Variants in PTPRA observed in about 807,000 individuals in gnomAD.
The protein encoded by PTPRA is receptor-type tyrosine-protein phosphatase alpha.
Under a neutral mutation model 104.8 loss-of-function variants are expected in PTPRA, and 25 were observed. The ratio of observed to expected loss-of-function variants is 0.24; its 90% confidence interval spans 0.17 to 0.33. The LOEUF is 0.33. Among genes scored for constraint, PTPRA ranks in the 10% least tolerant of loss-of-function variants. The pLI is 1.00. For missense variants in PTPRA, 765 were observed against 1,015.3 expected (o/e 0.75, Z 3.35); for synonymous variants, 323 against 368.9 (o/e 0.88, Z 1.43).
chr20:2,916,753 T>C (rs1031336908), intron 1 of PTPRA, among the ~76,000 whole-genome samples: 2 of 152,264 alleles, frequency 1.3e-5, no homozygotes, highest in Non-Finnish European at 1.5e-5. Flanking sequence ...TGTGGATTTA[T>C]TTCTGAACTC....
intron 9 of PTPRA, among the ~76,000 whole-genome samples, chr20:2,989,757 C>T (rs893217504): frequency 6.6e-6 from 1 of 152,336 alleles, no homozygotes; most frequent in Non-Finnish European, 1.5e-5. Flanking sequence ...GTGGCTCACG[C>T]CTGTAATCCC....
intron 1 of PTPRA, among the ~76,000 whole-genome samples, chr20:2,895,689 C>T (rs2058971569): frequency 6.6e-6 from 1 of 152,024 alleles, no homozygotes; most frequent in African/African-American, 2.4e-5. Context: ...TGGAATTAGT[C>T]TGGCTAATTT....
intron 12 of PTPRA, 59 bp from the exon 13 acceptor site, chr20:3,017,757 C>A: frequency 6.8e-7 from 1 of 1,464,194 alleles, no homozygotes; most frequent in Non-Finnish European, 9.6e-7. Flanking sequence ...TGTTCCCAGC[C>A]TCCCAGCATC....
chr20:2,961,963 C>T (rs943941161), intron 3 of PTPRA, among the ~76,000 whole-genome samples: 17 of 152,110 alleles, frequency 1.1e-4, no homozygotes, highest in African/African-American at 2.9e-4. Flanking sequence ...ATCTGTTTGC[C>T]TTTTCTTTTG....
In PTPRA at chr20:3,037,040, G is replaced by A. The variant is rs1049149296; in HGVS notation, c.2199-114G>A. 3.4e-6 allele frequency: 5 copies of A among 1,464,764 alleles called. No homozygotes were observed. The highest frequency in any genetic ancestry group is 3.8e-5 in the Admixed American group (2 of 52,202). The allele number at this position is 1,464,764 out of a possible 1,614,324, so 90.7% of individuals were successfully genotyped here. The stretch of plus-strand genomic sequence containing the variant: ...CCCTCCAGGCTGGTGGGTCCACAGG[G>A]CAAAGGCGAGCACCAGCTGCCTGCC... On this transcript the variant is annotated intron_variant, in intron 22 of 23. Coordinates refer to ENST00000399903, the MANE Select transcript of PTPRA (RefSeq NM_001385305.1). This position sits in a 1 kb window ranked among gnomAD's most constrained non-coding sequence, Gnocchi z 4.3.
chr20:3,004,498 A>G (rs1167781288), intron 9 of PTPRA, among the ~76,000 whole-genome samples: 1 of 152,172 alleles, frequency 6.6e-6, no homozygotes, highest in Non-Finnish European at 1.5e-5. Context: ...CTGCTTCTTA[A>G]CTGCTGCATC....
chr20:2,899,229 T>C (rs1052312475), intron 1 of PTPRA, among the ~76,000 whole-genome samples: 2 of 151,840 alleles, frequency 1.3e-5, no homozygotes, highest in Admixed American at 6.6e-5. Flanking sequence ...CTAGCTAGAG[T>C]GAGATAGAGT....
At chr20:2,958,844 C>CAAAAAA in intron 3 of PTPRA, among the ~76,000 whole-genome samples, 1 of 46,830 alleles carries the variant, frequency 2.1e-5, no homozygotes, top group Non-Finnish European at 4.4e-5. Flanking sequence ...GAGACTGTAT[C>CAAAAAA]AAAAAAAAAA....
rs558590200 is a variant in PTPRA, at chr20:2,885,030, C to T, written c.-129+11270C>T. On this transcript the variant is annotated intron_variant, in intron 1 of 23. Coordinates refer to ENST00000399903, the MANE Select transcript of PTPRA (RefSeq NM_001385305.1). ...TTCACAGTGTTAGCCAGGATGGTCT[C>T]GACCTCGTGATCCGCCCGCCTCGGC... Among the ~76,000 whole-genome samples the T allele has an allele frequency of 1.2e-3, 179 of 152,076 alleles. 2 individuals are homozygous for T. Among genetic ancestry groups the T allele is most frequent in the Non-Finnish European group, 2.0e-3 (136 of 67,972 alleles).
At position 2,992,017 on chromosome 20, in the gene PTPRA, C is replaced by T. The variant is rs116328155; in HGVS notation, c.738+3543C>T. Among the ~76,000 whole-genome samples, 857 of 152,254 alleles carry T rather than the reference C, an allele frequency of 5.6e-3. 8 individuals are homozygous for T. The highest frequency in any genetic ancestry group is 0.019 in the African/African-American group (793 of 41,542). ...TACCCCATAGCAGTCTACTTCCAGC[C>T]CAGCATGGGCCAGCATGTTTCACCA... On this transcript the variant is annotated intron_variant, in intron 9 of 23. Transcript: ENST00000399903.
chr20:3,007,390 T>G lies in PTPRA; in HGVS notation c.876T>G (p.Asp292Glu). 1 of 1,614,200 alleles carries G rather than the reference T, an allele frequency of 6.2e-7. No homozygotes were observed. Among genetic ancestry groups the G allele is most frequent in the Non-Finnish European group, 8.5e-7 (1 of 1,179,998 alleles). The change falls in exon 11 of 24, where the codon GAT becomes GAG. Residue 292 changes from aspartate (D) to glutamate (E), a missense_variant. Asp to Glu is a conservative substitution (Grantham distance 45). Around this residue, in one of 4 missense-constraint regions of PTPRA, gnomAD observed 245 missense variants for 398.7 expected, o/e 0.61. Coordinates refer to ENST00000399903, the MANE Select transcript of PTPRA (RefSeq NM_001385305.1). ...VHLTPVEGVP[D>E]SDYINASFIN... ...TGACACCGGTTGAAGGGGTTCCAGA[T>G]TCTGATTACATCAATGCTTCATTCA... is the stretch of plus-strand genomic sequence containing the variant.
At chr20:2,883,724 T>G (rs1296991844) in intron 1 of PTPRA, among the ~76,000 whole-genome samples, 1 of 152,180 alleles carries the variant, frequency 6.6e-6, no homozygotes, top group Non-Finnish European at 1.5e-5. Flanking sequence ...TGGAATTTTT[T>G]TTACATGTAA....
chr20:2,952,414 C>T (rs1410660113), intron 3 of PTPRA, among the ~76,000 whole-genome samples: 4 of 152,008 alleles, frequency 2.6e-5, no homozygotes, highest in Admixed American at 1.3e-4. Context: ...TGTTGGAATA[C>T]TTATTTTCTT....
intron 6 of PTPRA, among the ~76,000 whole-genome samples, chr20:2,982,153 C>T (rs1235165504): frequency 6.7e-6 from 1 of 149,724 alleles, no homozygotes; most frequent in Admixed American, 6.7e-5. Flanking sequence ...TGCAGTGGCA[C>T]GATCTTGGCT....
chr20:2,904,290 TAGAG>T (rs1383866801), intron 1 of PTPRA, among the ~76,000 whole-genome samples: 3 of 152,164 alleles, frequency 2.0e-5, no homozygotes, highest in Non-Finnish European at 2.9e-5. Flanking sequence ...GATGCACAAA[TAGAG>T]AAGAGAGAGT....
chr20:3,009,910 A>G (rs1377215936), intron 11 of PTPRA, among the ~76,000 whole-genome samples: 1 of 151,524 alleles, frequency 6.6e-6, no homozygotes, highest in Non-Finnish European at 1.5e-5. Flanking sequence ...TTGCACTGGT[A>G]CGATCTTGGC....
At position 3,030,676 on chromosome 20, in the gene PTPRA, C is replaced by CTTTTT. The variant is rs1180681994; in HGVS notation, c.1920+2858_1920+2862dup. On this transcript the variant is annotated intron_variant, in intron 20 of 23. Coordinates refer to ENST00000399903, the MANE Select transcript of PTPRA (RefSeq NM_001385305.1). ...AAAAATTTTTAATTATCTCCCTCTG[C>CTTTTT]TTTTTTTTTTTTTTTTTTTTTTTTT... is the stretch of plus-strand genomic sequence containing the variant. 3.0e-4 allele frequency among the ~76,000 whole-genome samples: 20 copies of CTTTTT among 67,732 alleles called. 1 individual carries two copies. Among genetic ancestry groups the CTTTTT allele is most frequent in the Admixed American group, 2.4e-3 (12 of 4,986 alleles). 44.4% of individuals were successfully genotyped at this position (67,732 alleles called of 152,430 possible). A position where few individuals can be genotyped will look rare whatever the true frequency, so the allele number is the denominator to read the frequency against.
At chr20:2,977,827 A>C (rs983792329) in intron 6 of PTPRA, among the ~76,000 whole-genome samples, 1 of 151,804 alleles carries the variant, frequency 6.6e-6, no homozygotes, top group Non-Finnish European at 1.5e-5. Flanking sequence ...ATGCTTCCCT[A>C]TCTCAGGAAG....
At chr20:2,864,963 T>G in the PTPRA span, 35 of 1,614,056 alleles carry the variant, frequency 2.2e-5, no homozygotes, top group Non-Finnish European at 3.0e-5. This position sits in a 1 kb window ranked among gnomAD's most constrained non-coding sequence, Gnocchi z 5.2. Context: ...CAGGCCTTCC[T>G]TCTTGTCTTT....
Sources: allele counts gnomAD v4.1 joint callset (sites outside exome capture counted in the v4.1 genomes callset), GRCh38; gene constraint gnomAD v4.1.1; regional missense constraint gnomAD v4.1.1; non-coding constraint Gnocchi (gnomAD v3.1); transcripts MANE v1.5; gene names NCBI Gene and HGNC (gene_info 2026-07-23, HGNC 2026-07-21).